UTP15: variants seen among roughly 807,000 people sequenced by gnomAD.
UTP15 encodes UTP15 small subunit processome component, also known as U3 small nucleolar RNA-associated protein 15 homolog.
In UTP15, 5 loss-of-function variants were observed where a neutral mutation model predicts 59.1. The ratio of observed to expected loss-of-function variants is 0.08; its 90% CI spans 0.04 to 0.18. The LOEUF is 0.18. Ranked by LOEUF, UTP15 falls within the 10% of genes least tolerant of loss-of-function variation. UTP15 has a pLI of 1.00. For synonymous variants in UTP15, 211 were observed against 212.2 expected (o/e 0.99, Z 0.05); for missense variants, 494 against 616.7 (o/e 0.80, Z 2.11).
In UTP15 at chr5:73,575,094, C is replaced by T. The variant is rs531665917; in HGVS notation, c.810-1858C>T. 3.3e-5 allele frequency among the ~76,000 whole-genome samples: 5 copies of T among 152,278 alleles called. No individual in the cohort carries two copies. The South Asian group carries it at 1.0e-3, about 32-fold the overall frequency. ...TTGTTTATATATTTATGGATATTTT[C>T]AATCCATGGTTGGTTGAATCTGCAG... On this transcript the variant is annotated intron_variant, in intron 7 of 12. Transcript: ENST00000296792.
rs776889501 is a variant in UTP15, at chr5:73,568,217, C to G, written c.91-18C>G. 2 of 1,579,850 alleles carry G rather than the reference C, an allele frequency of 1.3e-6. No homozygotes were observed. Among genetic ancestry groups the G allele is most frequent in the East Asian group, 2.2e-5 (1 of 44,536 alleles). ...TACCAGTGGTAACTCTGTTAACACA[C>G]TATTATTTTTTATTAAGACCCCTGT... On this transcript the variant is annotated intron_variant, in intron 2 of 12. Coordinates refer to ENST00000296792, the MANE Select transcript of UTP15 (RefSeq NM_032175.4).
chr5:73,573,959 G>A (rs1477924117), intron 7 of UTP15, among the ~76,000 whole-genome samples: 3 of 151,954 alleles, frequency 2.0e-5, no homozygotes, highest in Non-Finnish European at 4.4e-5. Context: ...ATTTCAGTAT[G>A]TAATCTATGT....
At chr5:73,572,710 G>T in intron 7 of UTP15, 86 bp downstream of exon 7, 1 of 1,374,220 alleles carries the variant, frequency 7.3e-7, no homozygotes, top group South Asian at 1.4e-5. Context: ...CAATATTTGT[G>T]ATAAGTATAC....
chr5:73,576,673 A>G (rs1451628540), intron 7 of UTP15, among the ~76,000 whole-genome samples: 5 of 146,320 alleles, frequency 3.4e-5, no homozygotes, highest in Non-Finnish European at 7.5e-5. Context: ...GAGTTTCACC[A>G]TGTTGGTCAG....
In UTP15 at chr5:73,581,043, AT is replaced by A. The variant is rs1477139473; in HGVS notation, c.*955del. 6.6e-6 allele frequency: 1 copy of A among 150,554 alleles called. No homozygotes were observed. The highest frequency in any genetic ancestry group is 2.4e-5 in the African/African-American group (1 of 41,012). 9.3% of individuals were successfully genotyped at this position (150,554 alleles called of 1,614,324 possible). On this transcript the variant is annotated 3_prime_UTR_variant, in exon 13 of 13. Transcript: ENST00000296792. ...TTTTAAAAGTTTAATGTAAATAATT[AT>A]TTTTTAGAAGTTTTTTTTTTTTTTT...
At chr5:73,570,989 T>A (rs1747915962) in intron 6 of UTP15, among the ~76,000 whole-genome samples, 1 of 152,196 alleles carries the variant, frequency 6.6e-6, no homozygotes, top group Non-Finnish European at 1.5e-5. Context: ...AAGTTTTAAC[T>A]TATTTTTCAA....
At chr5:73,578,720 T>C (rs2112058922) in intron 9 of UTP15, 31 bp from the exon 10 acceptor site, 1 of 1,582,286 alleles carries the variant, frequency 6.3e-7, no homozygotes, top group African/African-American at 1.3e-5. Context: ...ATGCTGATTT[T>C]CCTTCTCTAT....
At position 73,569,482 on chromosome 5, in the gene UTP15, C is replaced by T. The variant is rs347234; in HGVS notation, c.369-15C>T. ...ATTTTCTTGCTTTTTAATATACTGA[C>T]CTTCAATCTTTCAGAGCAGTTCATA... is the stretch of plus-strand genomic sequence containing the variant. On this transcript the variant is annotated splice_polypyrimidine_tract_variant and intron_variant, in intron 4 of 12. Transcript: ENST00000296792. The T allele has an allele frequency of 0.28, 419,435 of 1,523,648 alleles. 61,930 individuals carry two copies. The highest frequency in any genetic ancestry group is 0.56 in the African/African-American group (39,337 of 70,642). The allele number at this position is 1,523,648 out of a possible 1,614,324, so 94.4% of individuals were successfully genotyped here. A position where few individuals can be genotyped will look rare whatever the true frequency, so the allele number is the denominator to read the frequency against.
At chr5:73,574,491 A>G (rs1215453422) in intron 7 of UTP15, among the ~76,000 whole-genome samples, 1 of 146,726 alleles carries the variant, frequency 6.8e-6, no homozygotes, top group Non-Finnish European at 1.5e-5. Flanking sequence ...TTTATTATTA[A>G]TTTTTTTTTT....
chr5:73,569,200 A>C (rs1747865003), intron 4 of UTP15, among the ~76,000 whole-genome samples: 1 of 152,224 alleles, frequency 6.6e-6, no homozygotes, highest in African/African-American at 2.4e-5. Context: ...TAAAAATTAA[A>C]GTGCCTTTGC....
In UTP15 at chr5:73,569,659, G is replaced by A. The variant is rs1747876086; in HGVS notation, c.531G>A (p.Pro177=). ...VRCGCASKLN[P]DLFITGSYDH... ...GTGGATGTGCTAGCAAACTTAATCC[G>A]GATCTCTTTATAACAGGTTGGTGAA... The change falls in exon 5 of 13, where the codon CCG becomes CCA. Residue 177 remains proline (P), a synonymous_variant. Coordinates refer to ENST00000296792, the MANE Select transcript of UTP15 (RefSeq NM_032175.4). 6.2e-7 allele frequency: 1 copy of A among 1,608,122 alleles called. No homozygotes were observed. Among genetic ancestry groups the A allele is most frequent in the Non-Finnish European group, 8.5e-7 (1 of 1,177,178 alleles).
chr5:73,572,545 T>G lies in UTP15; in HGVS notation c.730T>G (p.Leu244Val). 1 of 1,614,208 alleles carries G rather than the reference T, an allele frequency of 6.2e-7. No individual in the cohort carries two copies. The highest frequency in any genetic ancestry group is 1.1e-5 in the South Asian group (1 of 91,076). Residue 244 changes from leucine (L) to valine (V), a missense_variant, in exon 7 of 13, where the codon TTG (leucine) becomes GTG (valine). Physicochemically the swap from Leu to Val is conservative, Grantham distance 32. Coordinates refer to ENST00000296792, the MANE Select transcript of UTP15 (RefSeq NM_032175.4). ...MLKGGQLLVS[L>V]KNHHKTVTCL... ...AAAAGGAGGACAATTGCTAGTATCT[T>G]TGAAAAATCATCACAAAACCGTGAC...
rs200420574 is a variant in UTP15, at chr5:73,568,569, G to A, written c.333G>A (p.Gly111=). 1.3e-5 allele frequency: 21 copies of A among 1,613,992 alleles called. No homozygotes were observed. The East Asian group carries it at 4.2e-4, about 33-fold the overall frequency. ...GAGTTCAACTTTTTGATATAAGTGG[G>A]AGGGCTCCCCTCAGGCAGTTTGAAG... is the stretch of plus-strand genomic sequence containing the variant. ...DGGVQLFDIS[G]RAPLRQFEGH... is the part of the protein sequence containing the mutation. Residue 111 remains glycine (G), a synonymous_variant, in exon 4 of 13, where the codon GGG becomes GGA. Coordinates refer to ENST00000296792, the MANE Select transcript of UTP15 (RefSeq NM_032175.4).
chr5:73,573,703 G>T (rs1376895226), intron 7 of UTP15, among the ~76,000 whole-genome samples: 1 of 151,112 alleles, frequency 6.6e-6, no homozygotes. Flanking sequence ...CTTCCTGAGT[G>T]GCTGGGATTA....
Position 73,569,601 on chromosome 5 carries a change from T to C in UTP15, c.473T>C (p.Leu158Ser). 1 of 1,613,900 alleles carries C rather than the reference T, an allele frequency of 6.2e-7. No homozygotes were observed. Among genetic ancestry groups the C allele is most frequent in the African/African-American group, 1.3e-5 (1 of 75,026 alleles). ...LWDIPNSKEILTFKEHSDYVR... is the reference protein window; with the variant it reads ...LWDIPNSKEISTFKEHSDYVR... Reference sequence around the variant, plus strand: ...GATATTCCAAACTCCAAAGAAATTTTGACATTTAAAGAACACTCTGATTAT... The same window carrying C: ...GATATTCCAAACTCCAAAGAAATTTCGACATTTAAAGAACACTCTGATTAT... The change falls in exon 5 of 13, where the codon TTG becomes TCG. Residue 158 changes from leucine to serine, a missense_variant. Transcript: ENST00000296792.
At chr5:73,566,201 A>G in intron 1 of UTP15, 1 of 222,842 alleles carries the variant, frequency 4.5e-6, no homozygotes, top group Non-Finnish European at 9.2e-6. Context: ...AGTGAACCTA[A>G]TGGAGTTTTA....
At chr5:73,571,476 A>G (rs924685993) in intron 6 of UTP15, among the ~76,000 whole-genome samples, 1 of 152,124 alleles carries the variant, frequency 6.6e-6, no homozygotes, top group Non-Finnish European at 1.5e-5. Context: ...TTTCATTTGT[A>G]AATAAAGTAA....
intron 7 of UTP15, 56 bp downstream of exon 7, chr5:73,572,680 G>T: frequency 2.0e-6 from 3 of 1,505,388 alleles, no homozygotes; most frequent in Non-Finnish European, 1.8e-6. Flanking sequence ...TTTACTGCTT[G>T]AGGAAATGAG....
At position 73,573,076 on chromosome 5, in the gene UTP15, G is replaced by A. The variant is rs183297259; in HGVS notation, c.809+452G>A. Among the ~76,000 whole-genome samples, 190 of 152,136 alleles carry A rather than the reference G, an allele frequency of 1.2e-3. 1 individual carries two copies. Among genetic ancestry groups the A allele is most frequent in the African/African-American group, 4.3e-3 (177 of 41,494 alleles). On this transcript the variant is annotated intron_variant, in intron 7 of 12. Transcript: ENST00000296792. ...CTCCCAAAGTGCTGGGATTACAGGC[G>A]TGAGCCACCACACCCGGCCACCCAT...
Sources: allele counts gnomAD v4.1 joint callset (sites outside exome capture counted in the v4.1 genomes callset), GRCh38; gene constraint gnomAD v4.1.1; transcripts MANE v1.5; gene names NCBI Gene and HGNC (gene_info 2026-07-23, HGNC 2026-07-21).